The following HAP1 variants were observed in gnomAD, a reference collection of about 807,000 sequenced individuals.
HAP1 encodes the protein huntingtin-associated protein 1.
HAP1 carries 59 observed loss-of-function variants against 60.3 expected under a neutral mutation model. The observed-to-expected ratio is 0.98, with a 90% CI of 0.79 to 1.22. The LOEUF (loss-of-function observed/expected upper bound fraction) is 1.22. Among genes scored for constraint, HAP1 ranks in the 50% most tolerant of loss-of-function variants. HAP1 has a pLI of 0.00. For synonymous variants in HAP1, 346 were observed against 330.6 expected (o/e 1.05, Z -0.50); for missense variants, 825 against 785.3 (o/e 1.05, Z -0.60).
At position 41,724,752 on chromosome 17, in the gene HAP1, G is replaced by C; in HGVS notation, c.1809C>G (p.His603Gln). Residue 603 changes from histidine (H) to glutamine (Q), a missense_variant, in exon 11 of 11, where the codon CAC (histidine) becomes CAG (glutamine). His to Gln is a conservative substitution (Grantham distance 24). Transcript: ENST00000347901. Reference protein sequence around the residue: ...WKMLQKGECPHGALPAASRTS... With the variant: ...WKMLQKGECPQGALPAASRTS... ...TCCGGCTGGCGGCAGGGAGGGCCCC[G>C]TGGGGGCACTCACCTTTCTGGAGCA... The C allele has an allele frequency of 6.2e-7, 1 of 1,601,804 alleles. No homozygotes were observed. Among genetic ancestry groups the C allele is most frequent in the Non-Finnish European group, 8.5e-7 (1 of 1,170,610 alleles).
In HAP1 at chr17:41,734,630, C is replaced by G. The variant is rs782344308; in HGVS notation, c.5G>C (p.Arg2Pro). 3 of 1,509,508 alleles carry G rather than the reference C, an allele frequency of 2.0e-6. No individual in the cohort carries two copies. The highest frequency in any genetic ancestry group is 2.7e-6 in the Non-Finnish European group (3 of 1,130,796). 93.5% of individuals were successfully genotyped at this position (1,509,508 alleles called of 1,614,324 possible). MRPKRLGRCCAG... is the reference protein window; with the variant it reads MPPKRLGRCCAG... ...GCAGCACCGGCCCAACCTCTTCGGG[C>G]GCATCTCGAGTCTGCCGTCCGCTGC... The change falls in exon 1 of 11, where the codon CGC becomes CCC. Residue 2 changes from arginine to proline, a missense_variant. Transcript: ENST00000347901.
In HAP1 at chr17:41,727,529, T is replaced by C. The variant is rs1597739746; in HGVS notation, c.1275+233A>G. 9.0e-5 allele frequency: 66 copies of C among 735,786 alleles called. 4 individuals carry two copies. The South Asian group carries it at 9.4e-4, about 10-fold the overall frequency. 45.6% of individuals were successfully genotyped at this position (735,786 alleles called of 1,614,324 possible). The stretch of plus-strand genomic sequence containing the variant: ...AGGCTGAGGCCAGAGGCCCAGGTTC[T>C]GGACTCCAAGTGTCATGTGGGGGAC... On this transcript the variant is annotated intron_variant, in intron 8 of 10. Transcript: ENST00000347901.
chr17:41,727,536 C>G, intron 8 of HAP1: 1 of 723,622 alleles, frequency 1.4e-6, no homozygotes. Context: ...TTCTGGACTC[C>G]AAGTGTCATG....
Position 41,734,596 on chromosome 17 carries a change from G to GCT in HAP1, c.37_38dup (p.Ser13ArgfsTer39), listed in dbSNP as rs782764865. 96 of 1,572,708 alleles carry GCT rather than the reference G, an allele frequency of 6.1e-5. No homozygotes were observed. The highest frequency in any genetic ancestry group is 8.0e-5 in the Non-Finnish European group (93 of 1,160,754). On this transcript the variant is annotated frameshift_variant, in exon 1 of 11. Coordinates refer to ENST00000347901, the MANE Select transcript of HAP1 (RefSeq NM_177977.3). LOFTEE classifies it high-confidence loss of function. ...CTGCTGGGTCCCCGGGTCCGAGCCG[G>GCT]CTCCCCGCGCAGCACCGGCCCAACC...
intron 1 of HAP1, among the ~76,000 whole-genome samples, chr17:41,733,676 G>A (rs1244638268): frequency 6.6e-6 from 1 of 152,088 alleles, no homozygotes; most frequent in African/African-American, 2.4e-5. Context: ...CCCGCAGGAG[G>A]ATAGGAGAGA....
chr17:41,720,425 C>T (rs1256262669), downstream of HAP1, among the ~76,000 whole-genome samples: 2 of 151,354 alleles, frequency 1.3e-5, no homozygotes, highest in African/African-American at 4.9e-5. Context: ...GAACTCCTGA[C>T]CTCAGGTGAT....
At chr17:41,731,451 T>C (rs1912180099) in intron 6 of HAP1, 42 bp downstream of exon 6, 3 of 1,369,386 alleles carry the variant, frequency 2.2e-6, no homozygotes, top group African/African-American at 1.4e-5. Flanking sequence ...TTTTCTCTGC[T>C]CCTTGGGACA....
At chr17:41,721,345 C>T (rs1298844838), downstream of HAP1, 1 of 152,600 alleles carries the variant, frequency 6.6e-6, no homozygotes, top group Non-Finnish European at 1.5e-5. Context: ...CCCAGGTTCA[C>T]AGAGCAGCTT....
rs34044330 is a variant in HAP1 at position 41,724,751 on chromosome 17, C to T, written c.1810G>A (p.Gly604Arg). ...GTCCGGCTGGCGGCAGGGAGGGCCC[C>T]GTGGGGGCACTCACCTTTCTGGAGC... The part of the protein sequence containing the change: ...KMLQKGECPH[G>R]ALPAASRTSC... The change falls in exon 11 of 11, where the codon GGG (glycine) becomes AGG (arginine). Residue 604 changes from glycine to arginine, a missense_variant. Gly to Arg is a moderately radical substitution (Grantham distance 125, BLOSUM62 -2). Coordinates refer to ENST00000347901, the MANE Select transcript of HAP1 (RefSeq NM_177977.3). 4,234 of 1,600,942 alleles carry T rather than the reference C, an allele frequency of 2.6e-3. 81 individuals carry two copies. The African/African-American group carries it at 0.046, about 17-fold the overall frequency.
At position 41,725,170 on chromosome 17, in the gene HAP1, C is replaced by T. The variant is rs1209280709; in HGVS notation, c.1407-16G>A. On this transcript the variant is annotated splice_polypyrimidine_tract_variant and intron_variant, in intron 10 of 10. Transcript: ENST00000347901. ...AAAATCATACCTGGGCGGGAGATAGCGACATCTTTTGAGGGGCTGGAAAGT... is the reference window on the plus strand; with the variant it reads ...AAAATCATACCTGGGCGGGAGATAGTGACATCTTTTGAGGGGCTGGAAAGT... The T allele has an allele frequency of 1.9e-6, 3 of 1,552,938 alleles. No homozygotes were observed. The highest frequency in any genetic ancestry group is 1.4e-5 in the African/African-American group (1 of 73,798).
In HAP1 at chr17:41,734,191, G is replaced by A; in HGVS notation, c.444C>T (p.Ala148=). 3.8e-6 allele frequency: 6 copies of A among 1,586,780 alleles called. No homozygotes were observed. Among genetic ancestry groups the A allele is most frequent in the East Asian group, 4.5e-5 (2 of 44,112 alleles). Residue 148 remains alanine (A), a synonymous_variant, in exon 1 of 11, where the codon GCC becomes GCT. Coordinates refer to ENST00000347901, the MANE Select transcript of HAP1 (RefSeq NM_177977.3). ...RRPGVSGPER[A]AFIRELEEAL... is the part of the protein sequence containing the mutation. ...CTTCCTCCAGCTCCCGAATAAAGGC[G>A]GCGCGCTCAGGGCCGGACACCCCGG...
Position 41,734,618 on chromosome 17 carries a change from A to G in HAP1, c.17T>C (p.Leu6Ser), listed in dbSNP as rs1047027654. 2.6e-6 allele frequency: 4 copies of G among 1,546,728 alleles called. No individual in the cohort carries two copies. The highest frequency in any genetic ancestry group is 1.8e-4 in the Middle Eastern group (1 of 5,578). The change falls in exon 1 of 11, where the codon TTG becomes TCG. Residue 6 changes from leucine (L) to serine (S), a missense_variant. Coordinates refer to ENST00000347901, the MANE Select transcript of HAP1 (RefSeq NM_177977.3). MRPKR[L>S]GRCCAGSRLG... Reference sequence around the variant, plus strand: ...CCGGCTCCCCGCGCAGCACCGGCCCAACCTCTTCGGGCGCATCTCGAGTCT... The same window carrying G: ...CCGGCTCCCCGCGCAGCACCGGCCCGACCTCTTCGGGCGCATCTCGAGTCT...
intron 9 of HAP1, 133 bp downstream of exon 9, chr17:41,726,920 T>C (rs1193188488): frequency 1.7e-6 from 1 of 596,990 alleles, no homozygotes; most frequent in Non-Finnish European, 3.0e-6. Context: ...AGAGAAGCAA[T>C]GAGTGGAGGG....
chr17:41,726,780 T>C lies in HAP1; in HGVS notation c.1367+273A>G, dbSNP rs577192914. Among the ~76,000 whole-genome samples the C allele has an allele frequency of 9.9e-5, 15 of 152,098 alleles. No homozygotes were observed. The East Asian group carries it at 2.9e-3, about 29-fold the overall frequency. On this transcript the variant is annotated intron_variant, in intron 9 of 10. Coordinates refer to ENST00000347901, the MANE Select transcript of HAP1 (RefSeq NM_177977.3). ...CGGAAGGCTGAAGCAGGAGAATTGC[T>C]TGAACCTGGGAGGCAGAGGTTGCAG... is the stretch of plus-strand genomic sequence containing the variant.
chr17:41,728,398 C>T, intron 6 of HAP1, 67 bp from the exon 7 acceptor site: 2 of 1,496,114 alleles, frequency 1.3e-6, no homozygotes, highest in Non-Finnish European at 1.8e-6. Context: ...CTGGCCCTCC[C>T]AGATGCCTCT....
At chr17:41,733,593 G>C (rs534243097) in intron 1 of HAP1, among the ~76,000 whole-genome samples, 1 of 152,078 alleles carries the variant, frequency 6.6e-6, no homozygotes, top group East Asian at 2.0e-4. Context: ...TGCGTGTGCA[G>C]AGGACAGGAG....
intron 8 of HAP1, 187 bp from the exon 9 acceptor site, chr17:41,727,331 C>G (rs1264378928): frequency 1.3e-6 from 1 of 780,790 alleles, no homozygotes; most frequent in Non-Finnish European, 2.4e-6. Context: ...GGGTGGCAGA[C>G]CCAGTGGACA....
At chr17:41,732,199 G>A (rs1555591270) in intron 3 of HAP1, 31 bp downstream of exon 3, 1 of 1,610,164 alleles carries the variant, frequency 6.2e-7, no homozygotes, top group South Asian at 1.1e-5. Context: ...GTGTAGATTG[G>A]CCCGCTATCC....
At position 41,734,611 on chromosome 17, in the gene HAP1, C is replaced by T; in HGVS notation, c.24G>A (p.Arg8=). 1.3e-6 allele frequency: 2 copies of T among 1,553,702 alleles called. No homozygotes were observed. The highest frequency in any genetic ancestry group is 1.7e-6 in the Non-Finnish European group (2 of 1,150,754). Residue 8 remains arginine, a synonymous_variant, in exon 1 of 11, where the codon CGG becomes CGA. Coordinates refer to ENST00000347901, the MANE Select transcript of HAP1 (RefSeq NM_177977.3). Reference sequence around the variant, plus strand: ...GTCCGAGCCGGCTCCCCGCGCAGCACCGGCCCAACCTCTTCGGGCGCATCT... The same window carrying T: ...GTCCGAGCCGGCTCCCCGCGCAGCATCGGCCCAACCTCTTCGGGCGCATCT... The part of the protein sequence containing the change: MRPKRLG[R]CCAGSRLGPG...
Sources: allele counts gnomAD v4.1 joint callset (sites outside exome capture counted in the v4.1 genomes callset), GRCh38; gene constraint gnomAD v4.1.1; transcripts MANE v1.5; gene names NCBI Gene and HGNC (gene_info 2026-07-23, HGNC 2026-07-21).